TTC39C: variants seen among roughly 807,000 people sequenced by gnomAD.
TTC39C encodes tetratricopeptide repeat domain 39C.
A neutral mutation model predicts 76.3 loss-of-function variants in TTC39C; 33 were observed. The ratio of observed to expected loss-of-function variants is 0.43; its 90% CI spans 0.33 to 0.58. TTC39C has a LOEUF of 0.58. Among genes scored for constraint, TTC39C ranks in the 20% least tolerant of loss-of-function variants. The probability of loss-of-function intolerance (pLI) is 0.04; values close to 1 mark genes in which losing one functional copy is unlikely to be tolerated. For missense variants in TTC39C, 595 were observed against 701.4 expected (o/e 0.85, Z 1.71); for synonymous variants, 254 against 260.6 (o/e 0.97, Z 0.24).
intron 1 of TTC39C, among the ~76,000 whole-genome samples, chr18:24,061,835 C>T (rs1016375345): frequency 1.3e-5 from 2 of 152,200 alleles, no homozygotes; most frequent in East Asian, 1.9e-4. Context: ...ACCTGGGAGG[C>T]GGATGTTGCA....
chr18:24,087,679 G>A (rs1338412914), intron 6 of TTC39C, among the ~76,000 whole-genome samples: 1 of 149,646 alleles, frequency 6.7e-6, no homozygotes, highest in African/African-American at 2.4e-5. Context: ...CCGCCTCCCG[G>A]GTTCAAGTGA....
intron 1 of TTC39C, among the ~76,000 whole-genome samples, chr18:24,042,572 C>T (rs767113038): frequency 6.6e-6 from 1 of 152,144 alleles, no homozygotes; most frequent in Non-Finnish European, 1.5e-5. Context: ...GGGTTGGGAA[C>T]CCCTGCTTTA....
intron 10 of TTC39C, among the ~76,000 whole-genome samples, chr18:24,128,663 T>C (rs2085081503): frequency 2.0e-5 from 3 of 152,206 alleles, no homozygotes; most frequent in Non-Finnish European, 4.4e-5. Flanking sequence ...TCCCACTGAC[T>C]AGTACAGTAC....
chr18:24,132,339 A>G (rs2085140584), intron 13 of TTC39C, 146 bp from the exon 14 acceptor site: 1 of 600,966 alleles, frequency 1.7e-6, no homozygotes, highest in Non-Finnish European at 2.8e-6. Context: ...GGTTTGAGTA[A>G]TATGAAAATC....
rs118150265 is a variant in TTC39C at position 24,101,130 on chromosome 18, T to C, written c.985-13424T>C. Among the ~76,000 whole-genome samples, 1,258 of 152,236 alleles carry C rather than the reference T, an allele frequency of 8.3e-3. 6 individuals carry two copies. Among genetic ancestry groups the C allele is most frequent in the Non-Finnish European group, 0.013 (870 of 68,006 alleles). ...AGGCTAGATAATTTGTGAGATCTCTTCCAACTTTCAAATGTTATGATTCTG... is the reference window on the plus strand; with the variant it reads ...AGGCTAGATAATTTGTGAGATCTCTCCCAACTTTCAAATGTTATGATTCTG... On this transcript the variant is annotated intron_variant, in intron 6 of 13. Coordinates refer to ENST00000317571, the MANE Select transcript of TTC39C (RefSeq NM_001135993.2).
intron 6 of TTC39C, among the ~76,000 whole-genome samples, chr18:24,107,309 A>G (rs1568439973): frequency 1.4e-5 from 2 of 138,544 alleles, no homozygotes; most frequent in Non-Finnish European, 3.2e-5. Flanking sequence ...ACACACACAC[A>G]CGCACGCATG....
intron 4 of TTC39C, among the ~76,000 whole-genome samples, chr18:24,075,311 A>C (rs1013226588): frequency 2.6e-5 from 4 of 152,038 alleles, no homozygotes; most frequent in Non-Finnish European, 5.9e-5. Flanking sequence ...AAAAAAAAAA[A>C]AGTCTGTTGG....
chr18:24,034,768 A>G (rs994821396), intron 1 of TTC39C, among the ~76,000 whole-genome samples: 1 of 152,242 alleles, frequency 6.6e-6, no homozygotes, highest in African/African-American at 2.4e-5. Flanking sequence ...CACTTAGCAT[A>G]ATGTTCATGA....
rs1482167786 is a variant in TTC39C, at chr18:24,123,390, TTTG to T, written c.1187-441_1187-439del. Among the ~76,000 whole-genome samples, 317 of 25,814 alleles carry T rather than the reference TTTG, an allele frequency of 0.012. No individual in the cohort carries two copies. In the Non-Finnish European group the frequency reaches 0.18, roughly 15 times the overall value. The allele number at this position is 25,814 out of a possible 152,430, so 16.9% of individuals were successfully genotyped here. Reference sequence around the variant, plus strand: ...CCTTTGTGGAACAGTCTTTTTTTTGTTTGTTTGTTTGTTTGTTTGTTTGTTTGT... The same window carrying T: ...CCTTTGTGGAACAGTCTTTTTTTTGTTTTGTTTGTTTGTTTGTTTGTTTGT... On this transcript the variant is annotated intron_variant, in intron 8 of 13. Transcript: ENST00000317571.
intron 1 of TTC39C, among the ~76,000 whole-genome samples, chr18:24,052,960 A>G (rs1432806279): frequency 6.6e-6 from 1 of 152,236 alleles, no homozygotes; most frequent in Admixed American, 6.5e-5. Context: ...TAGGAGAATC[A>G]CAGGTAATGA....
At chr18:24,008,566 T>C (rs1009662723) in intron 1 of TTC39C, among the ~76,000 whole-genome samples, 3 of 152,354 alleles carry the variant, frequency 2.0e-5, no homozygotes, top group South Asian at 2.1e-4. Context: ...AAATTAGTCA[T>C]AGTGCCACTG....
At chr18:24,029,799 C>G (rs8095991) in intron 1 of TTC39C, among the ~76,000 whole-genome samples, 1 of 152,098 alleles carries the variant, frequency 6.6e-6, no homozygotes, top group African/African-American at 2.4e-5. Flanking sequence ...TGATGGTCTC[C>G]AGCTTTATCC....
rs907184028 is a variant in TTC39C, at chr18:24,134,264, G to GTTT, written c.*1715_*1717dup. The GTTT allele has an allele frequency of 1.2e-5, 1 of 83,792 alleles. No individual in the cohort carries two copies. Among genetic ancestry groups the GTTT allele is most frequent in the African/African-American group, 4.3e-5 (1 of 23,152 alleles). The allele number at this position is 83,792 out of a possible 1,614,324, so 5.2% of individuals were successfully genotyped here. On this transcript the variant is annotated 3_prime_UTR_variant, in exon 14 of 14. Coordinates refer to ENST00000317571, the MANE Select transcript of TTC39C (RefSeq NM_001135993.2). ...CAAAAATATTGGACATCTGTTTTTT[G>GTTT]TTTTTTTTTTTTTTTTTTTTTTTTT...
At chr18:24,083,839 A>G (rs1214476003) in intron 6 of TTC39C, among the ~76,000 whole-genome samples, 2 of 152,168 alleles carry the variant, frequency 1.3e-5, no homozygotes, top group Non-Finnish European at 2.9e-5. Flanking sequence ...AATTAATCAT[A>G]CCTATGAAAT....
At chr18:24,051,957 G>A (rs1225850455) in intron 1 of TTC39C, among the ~76,000 whole-genome samples, 1 of 152,098 alleles carries the variant, frequency 6.6e-6, no homozygotes, top group Non-Finnish European at 1.5e-5. Flanking sequence ...TAACAGAGAT[G>A]GGGTCCCCAC....
At chr18:24,071,051 C>T (rs1162292317) in intron 4 of TTC39C, among the ~76,000 whole-genome samples, 1 of 152,000 alleles carries the variant, frequency 6.6e-6, no homozygotes, top group African/African-American at 2.4e-5. Flanking sequence ...GCCTCAGCCT[C>T]CAGAGTAGCT....
At chr18:24,111,894 C>A (rs4800545) in intron 6 of TTC39C, among the ~76,000 whole-genome samples, 69,649 of 149,910 alleles carry the variant, frequency 0.46, 18,879 homozygotes, top group Non-Finnish European at 0.62. Context: ...AGAGCAAGAC[C>A]CTATCTTTAA....
intron 6 of TTC39C, among the ~76,000 whole-genome samples, chr18:24,093,654 A>G (rs1251504434): frequency 6.6e-6 from 1 of 152,236 alleles, no homozygotes; most frequent in Non-Finnish European, 1.5e-5. Flanking sequence ...TAAAGCAAAT[A>G]TCACAATATA....
At chr18:24,056,805 TCCAAAAGACACCTTATC>T (rs1176743954) in intron 1 of TTC39C, among the ~76,000 whole-genome samples, 1 of 152,154 alleles carries the variant, frequency 6.6e-6, no homozygotes, top group African/African-American at 2.4e-5. Context: ...ATGAAAGGAT[TCCAAAAGACACCTTATC>T]TTTTGTAGAA....
Sources: gnomAD v4.1 joint callset for allele counts (sites outside exome capture counted in the v4.1 genomes callset) on GRCh38, gnomAD v4.1.1 for gene constraint, MANE v1.5 for transcripts, NCBI Gene and HGNC (gene_info 2026-07-23, HGNC 2026-07-21) for gene names.